SLC29A3: variants seen among roughly 807,000 people sequenced by gnomAD.
SLC29A3 encodes solute carrier family 29 member 3, also known as equilibrative nucleoside transporter 3.
SLC29A3 carries 18 observed loss-of-function variants against 25.4 expected under a neutral mutation model. The ratio of observed to expected loss-of-function variants is 0.71; its 90% CI spans 0.49 to 1.05. The LOEUF is 1.05. Ranked by LOEUF, SLC29A3 falls within the 50% of genes least tolerant of loss-of-function variation. SLC29A3 has a pLI of 0.00. For synonymous variants in SLC29A3, 258 were observed against 267.1 expected (o/e 0.97, Z 0.33); for missense variants, 586 against 609.0 (o/e 0.96, Z 0.40).
At chr10:71,340,952 A>G (rs1049481858) in intron 2 of SLC29A3, among the ~76,000 whole-genome samples, 1 of 152,176 alleles carries the variant, frequency 6.6e-6, no homozygotes, top group African/African-American at 2.4e-5. Context: ...ACAATGGGCG[A>G]TGGTATTTTG....
At chr10:71,361,462 T>C (rs1461553506) in intron 5 of SLC29A3, among the ~76,000 whole-genome samples, 1 of 152,228 alleles carries the variant, frequency 6.6e-6, no homozygotes, top group African/African-American at 2.4e-5. Context: ...ATGCCCGGCC[T>C]AGAATGTTAA....
At chr10:71,379,206 T>A (rs1374653877) in intron 4 of SLC29A3, among the ~76,000 whole-genome samples, 1 of 152,220 alleles carries the variant, frequency 6.6e-6, no homozygotes, top group Non-Finnish European at 1.5e-5. Flanking sequence ...GGCCAGCCCA[T>A]GTTTTGCTCT....
chr10:71,360,123 G>C (rs1391197955), intron 5 of SLC29A3, among the ~76,000 whole-genome samples: 3 of 133,720 alleles, frequency 2.2e-5, no homozygotes, highest in African/African-American at 8.3e-5. Context: ...CCAGGAACCT[G>C]TCTTCTTCTT....
chr10:71,332,109 ATTCTTTTT>A (rs1846131081), intron 2 of SLC29A3, among the ~76,000 whole-genome samples: 2 of 143,642 alleles, frequency 1.4e-5, no homozygotes, highest in South Asian at 2.2e-4. Context: ...ATCCTCTTTT[ATTCTTTTT>A]TTCTTTTTTC....
intron 2 of SLC29A3, among the ~76,000 whole-genome samples, chr10:71,328,462 C>T (rs1846024021): frequency 6.6e-6 from 1 of 152,196 alleles, no homozygotes; most frequent in South Asian, 2.1e-4. Context: ...AGCACTTTGC[C>T]TGCATTATCT....
intron 2 of SLC29A3, among the ~76,000 whole-genome samples, chr10:71,334,323 G>A (rs1395566203): frequency 2.0e-5 from 3 of 152,362 alleles, no homozygotes; most frequent in East Asian, 1.9e-4. Context: ...AAGGCCGACC[G>A]CGTTCCAGTG....
At chr10:71,374,121 T>C (rs550125399) in intron 3 of SLC29A3, among the ~76,000 whole-genome samples, 8 of 152,354 alleles carry the variant, frequency 5.3e-5, no homozygotes, top group African/African-American at 1.7e-4. Context: ...TGTATTATTG[T>C]CCTGGGCCCA....
At chr10:71,322,463 A>G (rs992055453) in intron 1 of SLC29A3, among the ~76,000 whole-genome samples, 6 of 152,194 alleles carry the variant, frequency 3.9e-5, no homozygotes, top group East Asian at 1.9e-4. Flanking sequence ...GCAGTGTTTT[A>G]CAAAACCCAG....
At chr10:71,332,120 C>CTTTTT (rs1846131468) in intron 2 of SLC29A3, among the ~76,000 whole-genome samples, 1 of 150,174 alleles carries the variant, frequency 6.7e-6, no homozygotes, top group South Asian at 2.1e-4. Context: ...TTCTTTTTTT[C>CTTTTT]TTTTTTCTTC....
At chr10:71,360,368 C>T (rs1197490330) in intron 5 of SLC29A3, among the ~76,000 whole-genome samples, 1 of 152,022 alleles carries the variant, frequency 6.6e-6, no homozygotes, top group Non-Finnish European at 1.5e-5. Context: ...GTCTTGAACT[C>T]CTAACCTCAA....
intron 2 of SLC29A3, among the ~76,000 whole-genome samples, chr10:71,324,410 T>C: frequency 6.6e-6 from 1 of 152,248 alleles, no homozygotes; most frequent in Non-Finnish European, 1.5e-5. Context: ...TTTTGGTATA[T>C]GGGGGGATCC....
chr10:71,370,482 A>T (rs566578990), intron 3 of SLC29A3, among the ~76,000 whole-genome samples: 5 of 152,298 alleles, frequency 3.3e-5, no homozygotes, highest in African/African-American at 9.6e-5. Context: ...GCCCAAGGAG[A>T]TTGAACGTCC....
chr10:71,342,961 A>G lies in SLC29A3; in HGVS notation c.301-1248A>G, dbSNP rs141121551. Among the ~76,000 whole-genome samples, 60 of 152,232 alleles carry G rather than the reference A, an allele frequency of 3.9e-4. 2 individuals are homozygous for G. In the East Asian group the frequency reaches 0.01, roughly 26 times the overall value. ...ATGGAAGGCTTGTGCTTCAGACTCA[A>G]AGGGGCCCATGACATCTTTCTTTCT... On this transcript the variant is annotated intron_variant, in intron 2 of 5. Transcript: ENST00000373189.
At chr10:71,319,394 T>TG in intron 1 of SLC29A3, 84 bp downstream of exon 1, 1 of 565,380 alleles carries the variant, frequency 1.8e-6, no homozygotes, top group Middle Eastern at 4.6e-4. Flanking sequence ...TCCCGGGCCC[T>TG]GGGGGCGGCT....
Position 71,351,709 on chromosome 10 carries a change from T to C in SLC29A3, c.531T>C (p.Gly177=). 2 of 1,614,176 alleles carry C rather than the reference T, an allele frequency of 1.2e-6. No homozygotes were observed. The highest frequency in any genetic ancestry group is 1.7e-6 in the Non-Finnish European group (2 of 1,180,028). ...TTGTCTGCATGGTGATCCTCAGCGG[T>C]GCCTCCACTGTCTTCAGCAGCAGCA... The part of the protein sequence containing the change: ...VTIVCMVILS[G]ASTVFSSSIY... Residue 177 remains glycine (G), a synonymous_variant, in exon 4 of 6, where the codon GGT becomes GGC. Transcript: ENST00000373189.
chr10:71,354,814 C>T (rs536235215), intron 4 of SLC29A3, among the ~76,000 whole-genome samples: 2 of 152,308 alleles, frequency 1.3e-5, no homozygotes, highest in East Asian at 1.9e-4. Context: ...TTCCACTCAT[C>T]GTCCTGTTTC....
rs143490944 is a variant in SLC29A3, at chr10:71,354,336, G to A, written c.611-1745G>A. 3.3e-5 allele frequency among the ~76,000 whole-genome samples: 5 copies of A among 152,338 alleles called. No individual in the cohort carries two copies. The East Asian group carries it at 9.6e-4, about 29-fold the overall frequency. ...GAAGGTCACACAACTAGAAGAAGTA[G>A]AGCCAGGTTTGGACTCGGATGTTTT... On this transcript the variant is annotated intron_variant, in intron 4 of 5. Coordinates refer to ENST00000373189, the MANE Select transcript of SLC29A3 (RefSeq NM_018344.6).
chr10:71,353,734 C>T (rs1016343349), intron 4 of SLC29A3, among the ~76,000 whole-genome samples: 2 of 152,194 alleles, frequency 1.3e-5, no homozygotes, highest in African/African-American at 4.8e-5. Flanking sequence ...TTTTCCAGCA[C>T]AGCCCGTCTG....
intron 2 of SLC29A3, among the ~76,000 whole-genome samples, chr10:71,340,202 G>A (rs1045736421): frequency 6.6e-6 from 1 of 152,188 alleles, no homozygotes; most frequent in Admixed American, 6.5e-5. Flanking sequence ...TTCCAGCCCT[G>A]CCTTCTTGCT....
Sources: allele counts gnomAD v4.1 joint callset (sites outside exome capture counted in the v4.1 genomes callset), GRCh38; gene constraint gnomAD v4.1.1; transcripts MANE v1.5; gene names NCBI Gene and HGNC (gene_info 2026-07-23, HGNC 2026-07-21).